The following ZNF423 variants were observed in gnomAD, a reference collection of about 807,000 sequenced individuals.
ZNF423 encodes the protein zinc finger protein 423, also known as Ebf-associated zinc finger protein.
In ZNF423, 12 loss-of-function variants were observed where a neutral mutation model predicts 95.8. The observed-to-expected ratio is 0.13, with a 90% confidence interval of 0.08 to 0.20. The LOEUF is 0.20. Among genes scored for constraint, ZNF423 ranks in the 10% least tolerant of loss-of-function variants. ZNF423 has a pLI of 1.00. For missense variants in ZNF423, 1,316 were observed against 1,737.1 expected (o/e 0.76, Z 4.31); for synonymous variants, 749 against 711.9 (o/e 1.05, Z -0.83).
chr16:49,635,782 C>T lies in ZNF423; in HGVS notation c.3394G>A (p.Glu1132Lys), dbSNP rs548986682. ...DRPCAGLRCP[E>K]CSVKFESAED... ...GCACTCTCAAACTTGACACTGCACT[C>T]GGGGCAACGGAGGCCGGCACAGGGC... The change falls in exon 4 of 8, where the codon GAG becomes AAG. Residue 1132 changes from glutamate to lysine, a missense_variant. By Grantham distance (56) the Glu-to-Lys change is moderately conservative. This residue lies in a region of ZNF423 where 620 missense variants were observed against 775.6 expected (regional missense o/e 0.80). Coordinates refer to ENST00000563137, the MANE Select transcript of ZNF423 (RefSeq NM_001379286.1). The surrounding 1 kb of genome is among the most constrained non-coding windows in gnomAD (Gnocchi z 4.8). The T allele has an allele frequency of 1.2e-5, 19 of 1,612,622 alleles. No individual in the cohort carries two copies. Among genetic ancestry groups the T allele is most frequent in the South Asian group, 5.5e-5 (5 of 91,026 alleles).
chr16:49,754,481 C>G (rs961806854), intron 2 of ZNF423, among the ~76,000 whole-genome samples: 5 of 152,178 alleles, frequency 3.3e-5, no homozygotes, highest in South Asian at 4.1e-4. Flanking sequence ...AGACTCCCAT[C>G]CCTGGAGGCA....
intron 5 of ZNF423, among the ~76,000 whole-genome samples, chr16:49,609,320 C>A (rs1465081493): frequency 1.3e-5 from 2 of 152,144 alleles, no homozygotes; most frequent in Non-Finnish European, 2.9e-5. Context: ...AATCAAAAAT[C>A]ATCTATCCTA....
intron 2 of ZNF423, among the ~76,000 whole-genome samples, chr16:49,775,445 C>G (rs931205896): frequency 2.6e-5 from 4 of 152,318 alleles, no homozygotes; most frequent in Admixed American, 2.6e-4. Flanking sequence ...GACCCACAGG[C>G]CACCTCGACA....
intron 3 of ZNF423, among the ~76,000 whole-genome samples, chr16:49,723,201 T>C (rs4785335): frequency 0.3 from 46,129 of 151,936 alleles, 7,367 homozygotes; most frequent in African/African-American, 0.38. Context: ...GTGATCCGCC[T>C]GCCTCGGCCT....
chr16:49,857,174 G>A (rs1266998659), upstream of ZNF423, among the ~76,000 whole-genome samples: 1 of 150,510 alleles, frequency 6.6e-6, no homozygotes, highest in Non-Finnish European at 1.5e-5. The surrounding 1 kb of genome is among the most constrained non-coding windows in gnomAD (Gnocchi z 6.2). Context: ...AGTCCCGGCG[G>A]GGGAGCGCTC....
At chr16:49,536,432 G>GTTTTTTTT (rs767808121) in intron 5 of ZNF423, among the ~76,000 whole-genome samples, 1 of 126,806 alleles carries the variant, frequency 7.9e-6, no homozygotes, top group Non-Finnish European at 1.6e-5. Flanking sequence ...TTTCTGGGTG[G>GTTTTTTTT]TTTTTTTTTT....
chr16:49,735,659 TG>T (rs1204922146), intron 2 of ZNF423, among the ~76,000 whole-genome samples: 3 of 152,178 alleles, frequency 2.0e-5, no homozygotes, highest in African/African-American at 7.2e-5. Flanking sequence ...CTGCATCTCC[TG>T]GGACACTCCC....
At chr16:49,665,972 T>G (rs2030521681) in intron 3 of ZNF423, among the ~76,000 whole-genome samples, 1 of 152,232 alleles carries the variant, frequency 6.6e-6, no homozygotes, top group South Asian at 2.1e-4. Flanking sequence ...CCTAATGGCC[T>G]GGCTGTCCCG....
intron 1 of ZNF423, among the ~76,000 whole-genome samples, chr16:49,815,034 G>A (rs4077246): frequency 0.39 from 58,884 of 151,954 alleles, 11,768 homozygotes; most frequent in Admixed American, 0.48. Context: ...GCAGCCTGCT[G>A]GTTAGGGCCT....
chr16:49,616,683 G>A (rs1423278978), intron 5 of ZNF423, among the ~76,000 whole-genome samples: 2 of 152,236 alleles, frequency 1.3e-5, no homozygotes, highest in East Asian at 3.9e-4. Context: ...AAATCGGCTT[G>A]ATTGGAGCTA....
chr16:49,616,585 T>G (rs918891443), intron 5 of ZNF423, among the ~76,000 whole-genome samples: 1 of 152,282 alleles, frequency 6.6e-6, no homozygotes, highest in South Asian at 2.1e-4. Context: ...AAAGATCTCA[T>G]GTACTCCATA....
Position 49,714,085 on chromosome 16 carries a change from G to A in ZNF423, c.301+16686C>T, listed in dbSNP as rs148297211. On this transcript the variant is annotated intron_variant, in intron 3 of 7. Transcript: ENST00000563137. Reference sequence around the variant, plus strand: ...CCCAGCTCTGGGTCTCTTGCTTAACGCCCCAGCAGTGCTTCTCAAATCCCA... The same window carrying A: ...CCCAGCTCTGGGTCTCTTGCTTAACACCCCAGCAGTGCTTCTCAAATCCCA... 5.3e-3 allele frequency among the ~76,000 whole-genome samples: 805 copies of A among 152,302 alleles called. 9 individuals are homozygous for A. The highest frequency in any genetic ancestry group is 0.018 in the African/African-American group (766 of 41,558).
At chr16:49,764,561 G>A (rs2033892553) in intron 2 of ZNF423, 1 of 151,868 alleles carries the variant, frequency 6.6e-6, no homozygotes, top group Admixed American at 6.6e-5. Context: ...TGGGCTCGCT[G>A]AGGACATTCG....
rs1567356064 is a variant in ZNF423, at chr16:49,815,876, AAAAAAATATATATATATAT to A, written c.41-26349_41-26331del. ...CATTCTAATTCCAAACAAACAAAAA[AAAAAAATATATATATATAT>A]ATATATATATATATATATATTTTTT... On this transcript the variant is annotated intron_variant, in intron 1 of 7. Transcript: ENST00000563137. Among the ~76,000 whole-genome samples, 136 of 72,108 alleles carry A rather than the reference AAAAAAATATATATATATAT, an allele frequency of 1.9e-3. 2 individuals carry two copies. Among genetic ancestry groups the A allele is most frequent in the African/African-American group, 8.6e-3 (127 of 14,788 alleles). 47.3% of individuals were successfully genotyped at this position (72,108 alleles called of 152,430 possible). A position where few individuals can be genotyped will look rare whatever the true frequency, so the allele number is the denominator to read the frequency against.
chr16:49,794,347 G>A (rs113063055), intron 1 of ZNF423, among the ~76,000 whole-genome samples: 13,220 of 151,704 alleles, frequency 0.087, 705 homozygotes, highest in Middle Eastern at 0.15. Flanking sequence ...GGGGTTACAG[G>A]TGTGAGCCAC....
At position 49,510,278 on chromosome 16, in the gene ZNF423, G is replaced by A. The variant is rs186544446; in HGVS notation, c.3849+13346C>T. Among the ~76,000 whole-genome samples, 1,129 of 152,318 alleles carry A rather than the reference G, an allele frequency of 7.4e-3. 6 individuals carry two copies. The highest frequency in any genetic ancestry group is 0.012 in the Non-Finnish European group (785 of 68,032). On this transcript the variant is annotated intron_variant, in intron 7 of 7. Transcript: ENST00000563137. ...ACTGGCAGCCCACTGTCCAGGTGAC[G>A]ACAATGAGTCACCGTGAGGGAGGTC...
At chr16:49,750,024 C>A (rs1361067801) in intron 2 of ZNF423, among the ~76,000 whole-genome samples, 2 of 152,206 alleles carry the variant, frequency 1.3e-5, no homozygotes, top group African/African-American at 4.8e-5. Context: ...TTGGGGCTGA[C>A]CTTGAAGGGA....
At chr16:49,730,577 G>A (rs762475286) in intron 3 of ZNF423, 194 bp downstream of exon 3, 1 of 640,746 alleles carries the variant, frequency 1.6e-6, no homozygotes, top group Admixed American at 2.8e-5. Context: ...ATTCCTGCCT[G>A]CCGGAAAGCT....
chr16:49,679,022 G>A (rs749016782), intron 3 of ZNF423, among the ~76,000 whole-genome samples: 73 of 152,168 alleles, frequency 4.8e-4, no homozygotes, highest in Non-Finnish European at 8.1e-4. Flanking sequence ...ACAGTGACTC[G>A]CAAGCACACT....
Sources: allele counts gnomAD v4.1 joint callset (sites outside exome capture counted in the v4.1 genomes callset), GRCh38; gene constraint gnomAD v4.1.1; regional missense constraint gnomAD v4.1.1; non-coding constraint Gnocchi (gnomAD v3.1); transcripts MANE v1.5; gene names NCBI Gene and HGNC (gene_info 2026-07-23, HGNC 2026-07-21).